Variants in SLC9A8 observed in about 807,000 individuals in gnomAD.
SLC9A8 encodes sodium/hydrogen exchanger 8.
In SLC9A8, 48 loss-of-function variants were observed where a neutral mutation model predicts 66.6. The observed-to-expected ratio is 0.72, with a 90% CI of 0.57 to 0.92. SLC9A8 has a LOEUF of 0.92. Among genes scored for constraint, SLC9A8 ranks in the 40% least tolerant of loss-of-function variants. The probability of loss-of-function intolerance (pLI) is 0.00; values close to 1 mark genes in which losing one functional copy is unlikely to be tolerated. For synonymous variants in SLC9A8, 274 were observed against 282.6 expected, an observed-to-expected ratio of 0.97 and a Z score of 0.31; for missense variants, 599 against 747.3, an observed-to-expected ratio of 0.80 and a Z score of 2.31.
intron 3 of SLC9A8, among the ~76,000 whole-genome samples, chr20:49,824,852 T>C (rs1365712443): frequency 2.0e-5 from 3 of 152,202 alleles, no homozygotes; most frequent in Non-Finnish European, 4.4e-5. Context: ...CAATGATTAG[T>C]TCAGAGGGGT....
At chr20:49,833,830 A>G (rs576387276) in intron 3 of SLC9A8, among the ~76,000 whole-genome samples, 16 of 152,322 alleles carry the variant, frequency 1.1e-4, no homozygotes, top group African/African-American at 3.6e-4. Flanking sequence ...CTCTGAATGA[A>G]TTGAGGGGTG....
intron 8 of SLC9A8, among the ~76,000 whole-genome samples, chr20:49,859,055 G>A (rs943002692): frequency 2.6e-5 from 4 of 151,910 alleles, no homozygotes; most frequent in Admixed American, 6.6e-5. Context: ...CAGTCTCCTC[G>A]TCCACCAGCA....
chr20:49,846,462 A>G lies in SLC9A8; in HGVS notation c.432+1343A>G, dbSNP rs377748644. 2.7e-5 allele frequency among the ~76,000 whole-genome samples: 4 copies of G among 150,936 alleles called. No homozygotes were observed. In the South Asian group the frequency reaches 8.4e-4, roughly 32 times the overall value. On this transcript the variant is annotated intron_variant, in intron 5 of 15. Transcript: ENST00000361573. ...TAGAAACCAAAAACCCCAAAACCCT[A>G]CCTCCCAGGGTGCTTTGAGAGTCAC...
intron 5 of SLC9A8, 88 bp from the exon 6 acceptor site, chr20:49,849,491 T>C (rs1458901151): frequency 1.0e-6 from 1 of 995,050 alleles, no homozygotes; most frequent in Non-Finnish European, 1.6e-6. Context: ...GAATCAAGTC[T>C]GCACGGAGGG....
intron 10 of SLC9A8, among the ~76,000 whole-genome samples, chr20:49,865,795 G>T (rs149050465): frequency 2.0e-3 from 304 of 152,324 alleles, no homozygotes; most frequent in Non-Finnish European, 3.4e-3. Flanking sequence ...ACTCACCCCT[G>T]TTCCTGTGTG....
chr20:49,834,435 ATATATATATATATAC>A (rs2087436263), intron 3 of SLC9A8, among the ~76,000 whole-genome samples: 1 of 25,514 alleles, frequency 3.9e-5, no homozygotes, highest in South Asian at 7.1e-4. Context: ...TATATACTGT[ATATATATATATATAC>A]TGTATATATA....
intron 2 of SLC9A8, among the ~76,000 whole-genome samples, chr20:49,817,265 C>T (rs1454076695): frequency 6.6e-6 from 1 of 151,646 alleles, no homozygotes; most frequent in African/African-American, 2.4e-5. Flanking sequence ...TGCAGTAAGC[C>T]GAGATCGCGC....
intron 3 of SLC9A8, among the ~76,000 whole-genome samples, chr20:49,828,840 A>G (rs1349141554): frequency 1.3e-5 from 2 of 150,932 alleles, no homozygotes; most frequent in African/African-American, 4.9e-5. Flanking sequence ...CTCTGTCTCA[A>G]ATAAATAGTA....
chr20:49,814,421 C>T (rs2086471746), intron 1 of SLC9A8, among the ~76,000 whole-genome samples: 1 of 152,156 alleles, frequency 6.6e-6, no homozygotes, highest in Non-Finnish European at 1.5e-5. Flanking sequence ...CAATATTGTA[C>T]TAGTTCACAA....
intron 2 of SLC9A8, among the ~76,000 whole-genome samples, chr20:49,819,219 G>A (rs1435261048): frequency 1.3e-5 from 2 of 152,150 alleles, no homozygotes; most frequent in Non-Finnish European, 2.9e-5. Flanking sequence ...ACTTAATGGA[G>A]TTATTATGAT....
chr20:49,839,666 T>C, intron 4 of SLC9A8, 67 bp downstream of exon 4: 1 of 996,466 alleles, frequency 1.0e-6, no homozygotes, highest in Non-Finnish European at 1.5e-6. Context: ...TTTTTGTAAT[T>C]ACTTGGCTAT....
At position 49,870,489 on chromosome 20, in the gene SLC9A8, T is replaced by C. The variant is rs116377234; in HGVS notation, c.959-4216T>C. Among the ~76,000 whole-genome samples the C allele has an allele frequency of 4.2e-3, 638 of 152,118 alleles. 3 individuals are homozygous for C. Among genetic ancestry groups the C allele is most frequent in the African/African-American group, 0.015 (616 of 41,470 alleles). ...ACTGCAGGAGCCAGGGGTCTGAAGATAGATGTGCGGGAGTGTGGCATGCTC... is the reference window on the plus strand; with the variant it reads ...ACTGCAGGAGCCAGGGGTCTGAAGACAGATGTGCGGGAGTGTGGCATGCTC... On this transcript the variant is annotated intron_variant, in intron 10 of 15. Transcript: ENST00000361573.
Position 49,823,193 on chromosome 20 carries a change from T to C in SLC9A8, c.289+52T>C, listed in dbSNP as rs752617667. On this transcript the variant is annotated intron_variant, in intron 3 of 15. Coordinates refer to ENST00000361573, the MANE Select transcript of SLC9A8 (RefSeq NM_015266.3). Reference sequence around the variant, plus strand: ...TAAAAGCAGTAACAATAACTACCATTTTTTGAGTGCCTCTTTAGTGCCAGG... The same window carrying C: ...TAAAAGCAGTAACAATAACTACCATCTTTTGAGTGCCTCTTTAGTGCCAGG... 1.9e-5 allele frequency: 26 copies of C among 1,367,054 alleles called. No individual in the cohort carries two copies. The South Asian group carries it at 3.1e-4, about 16-fold the overall frequency. 84.7% of individuals were successfully genotyped at this position (1,367,054 alleles called of 1,614,324 possible).
intron 10 of SLC9A8, among the ~76,000 whole-genome samples, chr20:49,869,473 C>T (rs1002694899): frequency 5.3e-5 from 8 of 151,532 alleles, no homozygotes; most frequent in Non-Finnish European, 1.0e-4. Context: ...CTGTCCGCCT[C>T]GGCCTCCCAA....
chr20:49,834,437 A>G lies in SLC9A8; in HGVS notation c.290-5104A>G, dbSNP rs59010280. On this transcript the variant is annotated intron_variant, in intron 3 of 15. Coordinates refer to ENST00000361573, the MANE Select transcript of SLC9A8 (RefSeq NM_015266.3). ...TATATACTGTATATATATACTGTAT[A>G]TATATATATATACTGTATATATATA... 6.0e-3 allele frequency among the ~76,000 whole-genome samples: 169 copies of G among 28,288 alleles called. 10 individuals are homozygous for G. Among genetic ancestry groups the G allele is most frequent in the African/African-American group, 0.025 (129 of 5,178 alleles). The allele number at this position is 28,288 out of a possible 152,430, so 18.6% of individuals were successfully genotyped here. A position where few individuals can be genotyped will look rare whatever the true frequency, so the allele number is the denominator to read the frequency against.
intron 4 of SLC9A8, among the ~76,000 whole-genome samples, chr20:49,842,904 C>A (rs924851419): frequency 1.3e-5 from 2 of 152,150 alleles, no homozygotes; most frequent in Admixed American, 6.5e-5. Context: ...CTGGTGGCCC[C>A]GGTTTTCCTT....
At chr20:49,818,500 TTTC>T (rs1568785752) in intron 2 of SLC9A8, among the ~76,000 whole-genome samples, 1 of 149,766 alleles carries the variant, frequency 6.7e-6, no homozygotes, top group Non-Finnish European at 1.5e-5. Flanking sequence ...TTTTTTTTTT[TTTC>T]CCCCTGAGAT....
At chr20:49,868,522 G>A (rs1011588159) in intron 10 of SLC9A8, among the ~76,000 whole-genome samples, 4 of 152,214 alleles carry the variant, frequency 2.6e-5, no homozygotes, top group Non-Finnish European at 4.4e-5. Context: ...TATCACAAAG[G>A]ACTGATCTCA....
At chr20:49,850,902 C>A in intron 7 of SLC9A8, 58 bp downstream of exon 7, 1 of 1,294,462 alleles carries the variant, frequency 7.7e-7, no homozygotes, top group Non-Finnish European at 1.1e-6. Context: ...GGAAATGTTT[C>A]TCCACATTGC....
Sources: gnomAD v4.1 joint callset for allele counts (sites outside exome capture counted in the v4.1 genomes callset) on GRCh38, gnomAD v4.1.1 for gene constraint, MANE v1.5 for transcripts, NCBI Gene and HGNC (gene_info 2026-07-23, HGNC 2026-07-21) for gene names.